The following GNPTG variants were observed in gnomAD, a reference collection of about 807,000 sequenced individuals.
GNPTG encodes the protein N-acetylglucosamine-1-phosphate transferase subunit gamma, also known as N-acetylglucosamine-1-phosphotransferase subunit gamma.
In GNPTG, 46 loss-of-function variants were observed where a neutral mutation model predicts 43.8. That is an observed-to-expected ratio of 1.05 (90% CI 0.83 to 1.34). GNPTG has a LOEUF of 1.34. Ranked by LOEUF, GNPTG falls within the 40% of genes most tolerant of loss-of-function variation. GNPTG has a pLI of 0.00. For missense variants in GNPTG, 549 were observed against 411.3 expected, an observed-to-expected ratio of 1.33 and a Z score of -2.90; for synonymous variants, 250 against 172.8, an observed-to-expected ratio of 1.45 and a Z score of -3.50.
Position 1,362,059 on chromosome 16 carries a change from C to T in GNPTG, c.339C>T (p.Ile113=), listed in dbSNP as rs147048228. The change falls in exon 6 of 11, where the codon ATC becomes ATT. Residue 113 remains isoleucine (I), a synonymous_variant. Coordinates refer to ENST00000204679, the MANE Select transcript of GNPTG (RefSeq NM_032520.5). The part of the protein sequence containing the change: ...GILGIWHEWE[I]ANNTFTGMWM... ...CCAGCATCTGGCACGAGTGGGAGAT[C>T]GCCAACAACACCTTCACGGGCATGT... The T allele has an allele frequency of 1.4e-4, 228 of 1,612,348 alleles. 1 individual carries two copies. Among genetic ancestry groups the T allele is most frequent in the Non-Finnish European group, 1.6e-4 (188 of 1,179,606 alleles).
In GNPTG at chr16:1,362,516, T is replaced by G. The variant is rs927888758; in HGVS notation, c.591T>G (p.Asp197Glu). Residue 197 changes from aspartate (D) to glutamate (E), a missense_variant, in exon 8 of 11, where the codon GAT becomes GAG. Coordinates refer to ENST00000204679, the MANE Select transcript of GNPTG (RefSeq NM_032520.5). ...QWDQVEQDLADELITPQGHEK... is the reference protein window; with the variant it reads ...QWDQVEQDLAEELITPQGHEK... ...ACCAGGTAGAGCAGGACCTGGCCGA[T>G]GAGCTGATCACCCCCCAGGTAAGCG... The G allele has an allele frequency of 7.4e-6, 12 of 1,614,048 alleles. No individual in the cohort carries two copies. The highest frequency in any genetic ancestry group is 9.3e-6 in the Non-Finnish European group (11 of 1,180,038).
Position 1,361,946 on chromosome 16 carries a change from G to A in GNPTG, c.308G>A (p.Gly103Glu). The A allele has an allele frequency of 6.2e-7, 1 of 1,613,540 alleles. No individual in the cohort carries two copies. The highest frequency in any genetic ancestry group is 1.1e-5 in the South Asian group (1 of 91,088). The change falls in exon 5 of 11, where the codon GGG becomes GAG. Residue 103 changes from glycine (G) to glutamate (E), a missense_variant. By Grantham distance (98) the Gly-to-Glu change is moderately conservative. Transcript: ENST00000204679. Reference sequence around the variant, plus strand: ...ACCTTCCGCTGGAACGCCTACAGTGGGATCCTCGGGTGAGTGGGGCCGGGG... The same window carrying A: ...ACCTTCCGCTGGAACGCCTACAGTGAGATCCTCGGGTGAGTGGGGCCGGGG... ...EQTFRWNAYSGILGIWHEWEI... is the reference protein window; with the variant it reads ...EQTFRWNAYSEILGIWHEWEI...
At chr16:1,362,585 G>A in intron 8 of GNPTG, 26 bp from the exon 9 acceptor site, 18 of 1,614,184 alleles carry the variant, frequency 1.1e-5, no homozygotes, top group Non-Finnish European at 1.5e-5. Flanking sequence ...GGAGCTGGGT[G>A]CTGCCCCTGC....
In GNPTG at chr16:1,363,474, C is replaced by CAGTT. The variant is rs774503075; in HGVS notation, c.*385_*388dup. 16 of 329,140 alleles carry CAGTT rather than the reference C, an allele frequency of 4.9e-5. No individual in the cohort carries two copies. The highest frequency in any genetic ancestry group is 8.3e-5 in the Non-Finnish European group (14 of 169,224). The allele number at this position is 329,140 out of a possible 1,614,324, so 20.4% of individuals were successfully genotyped here. A position where few individuals can be genotyped will look rare whatever the true frequency, so the allele number is the denominator to read the frequency against. On this transcript the variant is annotated 3_prime_UTR_variant, in exon 11 of 11. Transcript: ENST00000204679. Reference sequence around the variant, plus strand: ...CACGCGGAACAAGGTCTGCTGACCACAGTTACACACGTCGTGACACCACTG... The same window carrying CAGTT: ...CACGCGGAACAAGGTCTGCTGACCACAGTTAGTTACACACGTCGTGACACCACTG...
In GNPTG at chr16:1,362,703, T is replaced by G. The variant is rs532275192; in HGVS notation, c.702T>G (p.Pro234=). ...AACCCACCCAGCTGGAGGGAGGTCC[T>G]GACAGCTTGGGGTTTGAGACCCTGG... The part of the protein sequence containing the change: ...ENEPTQLEGG[P]DSLGFETLEN... Residue 234 remains proline (P), a synonymous_variant, in exon 9 of 11, where the codon CCT becomes CCG. Transcript: ENST00000204679. 5 of 1,613,982 alleles carry G rather than the reference T, an allele frequency of 3.1e-6. No homozygotes were observed. The Admixed American group carries it at 5.0e-5, about 16-fold the overall frequency.
rs143316080 is a variant in GNPTG at position 1,362,019 on chromosome 16, C to A, written c.318-19C>A. On this transcript the variant is annotated intron_variant, in intron 5 of 10. Transcript: ENST00000204679. The stretch of plus-strand genomic sequence containing the variant: ...CAGCTCCCCACCCGGCCTCACGTGC[C>A]GTGCCCGTGTCTCCCCAGCATCTGG... 8.8e-5 allele frequency: 142 copies of A among 1,612,626 alleles called. 1 individual carries two copies. In the African/African-American group the frequency reaches 1.6e-3, roughly 18 times the overall value.
Position 1,361,855 on chromosome 16 carries a change from GCCAT to G in GNPTG, c.234-15_234-12del, listed in dbSNP as rs1346052160. ...GGCGCAGCCTGCGGACCCCCCTCAT[GCCAT>G]CTGTGTCCCCAGGTACAAGTATGAG... is the stretch of plus-strand genomic sequence containing the variant. On this transcript the variant is annotated splice_polypyrimidine_tract_variant and intron_variant, in intron 4 of 10. Transcript: ENST00000204679. 4 of 1,613,754 alleles carry G rather than the reference GCCAT, an allele frequency of 2.5e-6. No homozygotes were observed. The highest frequency in any genetic ancestry group is 3.4e-6 in the Non-Finnish European group (4 of 1,179,992).
At chr16:1,358,685 G>A (rs2034820296) in intron 3 of GNPTG, among the ~76,000 whole-genome samples, 1 of 152,108 alleles carries the variant, frequency 6.6e-6, no homozygotes. Context: ...CATAGTGGCT[G>A]CACCGTTTCC....
In GNPTG at chr16:1,363,177, G is replaced by C. The variant is rs2034971442; in HGVS notation, c.*86G>C. ...AGGACCCGCAGGGACCAGCTGACCA[G>C]GCTTGTGCTCAGAGAAGCAGACAAA... On this transcript the variant is annotated 3_prime_UTR_variant, in exon 11 of 11. Coordinates refer to ENST00000204679, the MANE Select transcript of GNPTG (RefSeq NM_032520.5). The C allele has an allele frequency of 4.3e-6, 5 of 1,161,444 alleles. No individual in the cohort carries two copies. In the South Asian group the frequency reaches 5.1e-5, roughly 12 times the overall value. The allele number at this position is 1,161,444 out of a possible 1,614,324, so 71.9% of individuals were successfully genotyped here.
chr16:1,359,927 T>C (rs1406634358), intron 3 of GNPTG, among the ~76,000 whole-genome samples: 1 of 151,884 alleles, frequency 6.6e-6, no homozygotes, highest in Non-Finnish European at 1.5e-5. Context: ...CTGGCCAACA[T>C]GGAGAAACCC....
chr16:1,356,177 G>C (rs976867409), intron 3 of GNPTG, among the ~76,000 whole-genome samples: 22 of 152,166 alleles, frequency 1.4e-4, no homozygotes, highest in Non-Finnish European at 1.5e-5. Flanking sequence ...CGGAGTCCAG[G>C]CTCAGCCAAG....
chr16:1,354,902 G>A (rs1410509385), intron 3 of GNPTG, among the ~76,000 whole-genome samples: 2 of 152,308 alleles, frequency 1.3e-5, no homozygotes, highest in East Asian at 1.9e-4. Flanking sequence ...CCCCGCGTCT[G>A]TAGGGCCGGG....
intron 3 of GNPTG, among the ~76,000 whole-genome samples, chr16:1,353,441 G>C (rs2141634435): frequency 6.6e-6 from 1 of 152,290 alleles, no homozygotes; most frequent in African/African-American, 2.4e-5. Flanking sequence ...TACATAGAAT[G>C]GCCAATGATG....
chr16:1,354,781 C>A (rs1000579651), intron 3 of GNPTG, among the ~76,000 whole-genome samples: 1 of 152,172 alleles, frequency 6.6e-6, no homozygotes, highest in Non-Finnish European at 1.5e-5. Flanking sequence ...TTCCCAGTTT[C>A]CTGATCTTTT....
intron 3 of GNPTG, among the ~76,000 whole-genome samples, chr16:1,354,585 CAAAAAAAA>C (rs869067502): frequency 2.5e-4 from 11 of 44,370 alleles, no homozygotes; most frequent in East Asian, 1.6e-3. Context: ...GACTTCGTCT[CAAAAAAAA>C]AAAAAAAAAA....
chr16:1,363,140 A>C lies in GNPTG; in HGVS notation c.*49A>C. 1.3e-6 allele frequency: 2 copies of C among 1,562,802 alleles called. No individual in the cohort carries two copies. Among genetic ancestry groups the C allele is most frequent in the Non-Finnish European group, 1.8e-6 (2 of 1,141,744 alleles). ...GGACGCGGCCGAGAGCCCTACAGAG[A>C]AGCTGGCTGGTAGGACCCGCAGGGA... On this transcript the variant is annotated 3_prime_UTR_variant, in exon 11 of 11. Transcript: ENST00000204679.
intron 3 of GNPTG, chr16:1,360,886 C>T (rs369002296): frequency 4.9e-4 from 75 of 152,532 alleles, no homozygotes; most frequent in African/African-American, 1.4e-3. Context: ...GGTGGCACAC[C>T]GGCCTGCATG....
chr16:1,358,725 A>G (rs1408834598), intron 3 of GNPTG, among the ~76,000 whole-genome samples: 1 of 152,114 alleles, frequency 6.6e-6, no homozygotes, highest in Admixed American at 6.5e-5. Context: ...CGAGGGGTCC[A>G]GTTTCTCCAC....
chr16:1,352,201 C>A lies in GNPTG; in HGVS notation c.111-38C>A, dbSNP rs530066253. 3.0e-5 allele frequency: 46 copies of A among 1,552,946 alleles called. No homozygotes were observed. The African/African-American group carries it at 6.3e-4, about 21-fold the overall frequency. ...GCTGGCGGCTCGAGCGGGGGACGGC[C>A]CGGGCCCGTTCCCCGCTGACCTTGC... On this transcript the variant is annotated intron_variant, in intron 2 of 10. Coordinates refer to ENST00000204679, the MANE Select transcript of GNPTG (RefSeq NM_032520.5).
Sources: gnomAD v4.1 joint callset for allele counts (sites outside exome capture counted in the v4.1 genomes callset) on GRCh38, gnomAD v4.1.1 for gene constraint, MANE v1.5 for transcripts, NCBI Gene and HGNC (gene_info 2026-07-23, HGNC 2026-07-21) for gene names.